The following CTNND2 variants were observed in gnomAD, a reference collection of about 807,000 sequenced individuals.
The protein encoded by CTNND2 is catenin delta-2.
In CTNND2, 22 loss-of-function variants were observed where a neutral mutation model predicts 144.4. The ratio of observed to expected loss-of-function variants is 0.15; its 90% CI spans 0.11 to 0.22. The LOEUF (loss-of-function observed/expected upper bound fraction) is 0.22, where lower values mean the gene tolerates loss of function less well. Ranked by LOEUF, CTNND2 falls within the 10% of genes least tolerant of loss-of-function variation. The pLI is 1.00. For synonymous variants in CTNND2, 751 were observed against 695.6 expected, an observed-to-expected ratio of 1.08 and a Z score of -1.25; for missense variants, 1,353 against 1,618.8, an observed-to-expected ratio of 0.84 and a Z score of 2.82.
chr5:11,556,513 T>C (rs1003127052), intron 3 of CTNND2, among the ~76,000 whole-genome samples: 11 of 152,204 alleles, frequency 7.2e-5, no homozygotes, highest in African/African-American at 2.2e-4. Flanking sequence ...CACTGGCTTC[T>C]GTTTCTTCAC....
chr5:11,774,749 T>G (rs772838589), intron 1 of CTNND2, among the ~76,000 whole-genome samples: 1 of 152,068 alleles, frequency 6.6e-6, no homozygotes, highest in Non-Finnish European at 1.5e-5. Context: ...TACCATTTTA[T>G]TAGTACGATT....
Position 11,379,500 on chromosome 5 carries a change from C to T in CTNND2, c.1177+5165G>A, listed in dbSNP as rs948493521. 3.3e-5 allele frequency among the ~76,000 whole-genome samples: 5 copies of T among 152,106 alleles called. No individual in the cohort carries two copies. The South Asian group carries it at 1.0e-3, about 32-fold the overall frequency. On this transcript the variant is annotated intron_variant, in intron 7 of 21. Coordinates refer to ENST00000304623, the MANE Select transcript of CTNND2 (RefSeq NM_001332.4). ...AGAATGGGGGTAAAAATCATGTCTG[C>T]CTCATCAAGTTGCTGGAGACTACAT...
intron 9 of CTNND2, among the ~76,000 whole-genome samples, chr5:11,344,261 G>C (rs1455187721): frequency 2.6e-5 from 4 of 152,000 alleles, no homozygotes; most frequent in African/African-American, 9.7e-5. Context: ...GCGCGGTGGC[G>C]GGCGCCTGTA....
chr5:11,177,018 G>A (rs1473901171), intron 11 of CTNND2, among the ~76,000 whole-genome samples: 2 of 152,188 alleles, frequency 1.3e-5, no homozygotes, highest in African/African-American at 4.8e-5. Context: ...CTTAATAAGA[G>A]TAAGAGTAAT....
intron 14 of CTNND2, among the ~76,000 whole-genome samples, chr5:11,105,520 C>T (rs1251076264): frequency 1.4e-5 from 2 of 146,666 alleles, no homozygotes; most frequent in African/African-American, 5.1e-5. Flanking sequence ...TGACCAGTGC[C>T]GAAGCCGAGA....
rs1738280144 is a variant in CTNND2, at chr5:10,988,399, T to C, written c.3212-157A>G. Among the ~76,000 whole-genome samples, 1 of 152,182 alleles carries C rather than the reference T, an allele frequency of 6.6e-6. No individual in the cohort carries two copies. The highest frequency in any genetic ancestry group is 2.4e-5 in the African/African-American group (1 of 41,436). On this transcript the variant is annotated intron_variant, in intron 19 of 21. Transcript: ENST00000304623. This position sits in a 1 kb window ranked among gnomAD's most constrained non-coding sequence, Gnocchi z 5.9. ...TTTTAATTTTTATTTTTTGGCAGTT[T>C]TGGCTCTTGTCCCTGCCCCATTCCC...
intron 9 of CTNND2, among the ~76,000 whole-genome samples, chr5:11,336,790 T>C (rs766307761): frequency 6.6e-6 from 1 of 152,172 alleles, no homozygotes; most frequent in Non-Finnish European, 1.5e-5. Context: ...CTACATATAA[T>C]TTATGTGTAC....
At chr5:11,103,393 G>A (rs1752110392) in intron 14 of CTNND2, among the ~76,000 whole-genome samples, 1 of 152,126 alleles carries the variant, frequency 6.6e-6, no homozygotes, top group South Asian at 2.1e-4. Context: ...AAAGTAGGCT[G>A]GGCACAGTGG....
chr5:11,384,417 G>T lies in CTNND2; in HGVS notation c.1177+248C>A, dbSNP rs61749847. On this transcript the variant is annotated intron_variant, in intron 7 of 21. Transcript: ENST00000304623. The surrounding 1 kb of genome is among the most constrained non-coding windows in gnomAD (Gnocchi z 5.2). ...CTGGGGAGAGGGCAGAGAGAGAAGA[G>T]AGGAGAGAAGAGAGTGATATAGGTG... 6 of 530,406 alleles carry T rather than the reference G, an allele frequency of 1.1e-5. No homozygotes were observed. The highest frequency in any genetic ancestry group is 2.0e-5 in the Non-Finnish European group (6 of 301,878). The allele number at this position is 530,406 out of a possible 1,614,324, so 32.9% of individuals were successfully genotyped here. A position where few individuals can be genotyped will look rare whatever the true frequency, so the allele number is the denominator to read the frequency against.
rs535858659 is a variant in CTNND2, at chr5:11,110,852, C to T, written c.2463+6G>A. ...ATTGCATGCAGCTGCAAGCAGCCTG[C>T]ATCACCTGATCTTGGGATTTCTTTT... is the stretch of plus-strand genomic sequence containing the variant. On this transcript the variant is annotated splice_donor_region_variant and intron_variant, in intron 14 of 21. Transcript: ENST00000304623. 16 of 1,610,304 alleles carry T rather than the reference C, an allele frequency of 9.9e-6. No individual in the cohort carries two copies. The South Asian group carries it at 1.6e-4, about 17-fold the overall frequency.
chr5:11,016,963 G>C, intron 18 of CTNND2, among the ~76,000 whole-genome samples: 1 of 141,700 alleles, frequency 7.1e-6, no homozygotes, highest in Non-Finnish European at 1.6e-5. Flanking sequence ...TATTAGTAGA[G>C]ACTGGGTTTC....
chr5:11,455,341 C>T (rs1216635083), intron 3 of CTNND2, among the ~76,000 whole-genome samples: 1 of 152,128 alleles, frequency 6.6e-6, no homozygotes, highest in East Asian at 1.9e-4. Context: ...AGTGAAAATA[C>T]TATTCTCTGG....
chr5:11,844,947 G>T (rs576739945), intron 1 of CTNND2, among the ~76,000 whole-genome samples: 1 of 152,212 alleles, frequency 6.6e-6, no homozygotes, highest in East Asian at 1.9e-4. Flanking sequence ...CTGGCGGAGG[G>T]GGGCAGGGGG....
At chr5:11,640,296 C>T (rs1274851710) in intron 2 of CTNND2, among the ~76,000 whole-genome samples, 1 of 152,294 alleles carries the variant, frequency 6.6e-6, no homozygotes, top group East Asian at 1.9e-4. Context: ...CATGGAGTTG[C>T]AGACTGTCTC....
intron 15 of CTNND2, among the ~76,000 whole-genome samples, chr5:11,092,053 T>A (rs1750830948): frequency 6.6e-6 from 1 of 152,180 alleles, no homozygotes; most frequent in African/African-American, 2.4e-5. Context: ...CCCTGGTCCC[T>A]CAATCTTCAT....
chr5:11,536,987 G>A (rs1450438770), intron 3 of CTNND2, among the ~76,000 whole-genome samples: 1 of 151,940 alleles, frequency 6.6e-6, no homozygotes, highest in Non-Finnish European at 1.5e-5. Context: ...ATCTGCCTGG[G>A]GATTTAGAAT....
chr5:11,867,633 C>CCAAT (rs1560945786), intron 1 of CTNND2, among the ~76,000 whole-genome samples: 1 of 151,474 alleles, frequency 6.6e-6, no homozygotes, highest in Non-Finnish European at 1.5e-5. Flanking sequence ...GATACTGAGA[C>CCAAT]CATTCATTCA....
Position 11,385,104 on chromosome 5 carries a change from G to A in CTNND2, c.738C>T (p.Ala246=), listed in dbSNP as rs2149800092. Residue 246 remains alanine (A), a synonymous_variant, in exon 7 of 22, where the codon GCC becomes GCT. Coordinates refer to ENST00000304623, the MANE Select transcript of CTNND2 (RefSeq NM_001332.4). ...SAFHLPDAPP[A]AAAAALYYSS... ...AGTAGTAGAGCGCGGCGGCGGCGGC[G>A]GCGGGCGGCGCGTCGGGCAGGTGGA... 2.9e-6 allele frequency: 3 copies of A among 1,032,388 alleles called. No homozygotes were observed. The highest frequency in any genetic ancestry group is 5.3e-5 in the Admixed American group (1 of 18,926). 64.0% of individuals were successfully genotyped at this position (1,032,388 alleles called of 1,614,324 possible). A position where few individuals can be genotyped will look rare whatever the true frequency, so the allele number is the denominator to read the frequency against.
intron 1 of CTNND2, among the ~76,000 whole-genome samples, chr5:11,836,903 G>A (rs139354001): frequency 1.2e-3 from 176 of 152,274 alleles, no homozygotes; most frequent in African/African-American, 4.0e-3. Context: ...AATATCCATC[G>A]CCACCAGTGG....
Sources: allele counts gnomAD v4.1 joint callset (sites outside exome capture counted in the v4.1 genomes callset), GRCh38; gene constraint gnomAD v4.1.1; non-coding constraint Gnocchi (gnomAD v3.1); transcripts MANE v1.5; gene names NCBI Gene and HGNC (gene_info 2026-07-23, HGNC 2026-07-21).